Variants in SDK1 observed in about 807,000 individuals in gnomAD.
SDK1 encodes sidekick cell adhesion molecule 1, also known as protein sidekick-1.
Under a neutral mutation model 245.5 loss-of-function variants are expected in SDK1, and 157 were observed. That is an observed-to-expected ratio of 0.64 (90% CI 0.56 to 0.73). The LOEUF (loss-of-function observed/expected upper bound fraction) is 0.73, where lower values mean the gene tolerates loss of function less well. Among genes scored for constraint, SDK1 ranks in the 30% least tolerant of loss-of-function variants. The probability of loss-of-function intolerance (pLI) is 0.00; values close to 1 mark genes in which losing one functional copy is unlikely to be tolerated. For synonymous variants in SDK1, 1,647 were observed against 1,278.5 expected (o/e 1.29, Z -6.15); for missense variants, 3,583 against 3,002.3 (o/e 1.19, Z -4.52).
At chr7:3,914,998 G>A (rs141335445) in intron 5 of SDK1, among the ~76,000 whole-genome samples, 91 of 152,232 alleles carry the variant, frequency 6.0e-4, no homozygotes, top group Middle Eastern at 6.8e-3. Context: ...AGAATCATGC[G>A]CCATCCTTCA....
intron 1 of SDK1, among the ~76,000 whole-genome samples, chr7:3,380,801 G>T (rs2128566954): frequency 1.3e-5 from 2 of 152,248 alleles, no homozygotes; most frequent in Non-Finnish European, 2.9e-5. Flanking sequence ...GGGCCTGCTA[G>T]TTGGCTTGTC....
At chr7:4,257,549 CAG>C (rs1243318397) in intron 44 of SDK1, among the ~76,000 whole-genome samples, 3 of 152,210 alleles carry the variant, frequency 2.0e-5, no homozygotes, top group Admixed American at 6.5e-5. Flanking sequence ...GAGGCAATGA[CAG>C]GGGCTGAGCA....
At chr7:4,213,411 CAA>C (rs546174942) in intron 38 of SDK1, among the ~76,000 whole-genome samples, 8 of 136,306 alleles carry the variant, frequency 5.9e-5, no homozygotes, top group Admixed American at 7.3e-5. Flanking sequence ...GACTCCGTCT[CAA>C]AAAAAAAAAA....
chr7:4,020,326 C>A (rs1451889611), intron 17 of SDK1, among the ~76,000 whole-genome samples: 1 of 152,088 alleles, frequency 6.6e-6, no homozygotes, highest in African/African-American at 2.4e-5. Flanking sequence ...AGCCTTGATG[C>A]CTCAGTGTAG....
intron 17 of SDK1, among the ~76,000 whole-genome samples, chr7:4,040,833 G>A (rs1259480693): frequency 1.3e-5 from 2 of 152,140 alleles, no homozygotes; most frequent in East Asian, 1.9e-4. Context: ...CAAAGAAAAC[G>A]GAAGATGGAG....
intron 1 of SDK1, among the ~76,000 whole-genome samples, chr7:3,438,696 ATTCT>A (rs1293491830): frequency 2.0e-5 from 3 of 152,026 alleles, no homozygotes; most frequent in Admixed American, 6.6e-5. Context: ...CAAGTTTTTG[ATTCT>A]TTCTTTCCTC....
Position 3,725,417 on chromosome 7 carries a change from C to T in SDK1, c.713+83312C>T, listed in dbSNP as rs925064758. ...AGTAATCCTCTGGCTGTTCGCCTTG[C>T]AATCAGAACATTGTGTAGGTTTGAT... On this transcript the variant is annotated intron_variant, in intron 4 of 44. Coordinates refer to ENST00000404826, the MANE Select transcript of SDK1 (RefSeq NM_152744.4). Among the ~76,000 whole-genome samples the T allele has an allele frequency of 2.6e-5, 4 of 152,132 alleles. 1 individual carries two copies. Among genetic ancestry groups the T allele is most frequent in the Admixed American group, 2.6e-4 (4 of 15,272 alleles).
rs1780321269 is a variant in SDK1 at position 3,577,176 on chromosome 7, A to G, written c.299-41904A>G. On this transcript the variant is annotated intron_variant, in intron 1 of 44. Coordinates refer to ENST00000404826, the MANE Select transcript of SDK1 (RefSeq NM_152744.4). ...CACACACTCCTCCATCTGGAATCGCAGACCTACTGCAAGACCCCCATAGCC... is the reference window on the plus strand; with the variant it reads ...CACACACTCCTCCATCTGGAATCGCGGACCTACTGCAAGACCCCCATAGCC... Among the ~76,000 whole-genome samples, 2 of 152,040 alleles carry G rather than the reference A, an allele frequency of 1.3e-5. 1 individual carries two copies. The highest frequency in any genetic ancestry group is 4.1e-4 in the South Asian group (2 of 4,826).
At chr7:3,580,744 G>A (rs112560630) in intron 1 of SDK1, among the ~76,000 whole-genome samples, 3,258 of 152,062 alleles carry the variant, frequency 0.021, 132 homozygotes, top group African/African-American at 0.073. Context: ...TGAGGCAGGC[G>A]GAGCATGAGG....
At chr7:3,754,571 C>G (rs191490200) in intron 4 of SDK1, among the ~76,000 whole-genome samples, 3 of 152,198 alleles carry the variant, frequency 2.0e-5, no homozygotes, top group East Asian at 1.9e-4. Flanking sequence ...ATCCCCTGTT[C>G]CCTGCATTCT....
intron 20 of SDK1, among the ~76,000 whole-genome samples, chr7:4,076,092 A>G (rs1780660871): frequency 6.6e-6 from 1 of 152,222 alleles, no homozygotes; most frequent in Non-Finnish European, 1.5e-5. Context: ...GGGGAGAGAG[A>G]GCTAGAAGCA....
intron 35 of SDK1, among the ~76,000 whole-genome samples, chr7:4,198,612 A>G (rs752253331): frequency 2.0e-5 from 3 of 152,156 alleles, no homozygotes; most frequent in Non-Finnish European, 4.4e-5. Context: ...GGAGTTGAAT[A>G]GTTGCAACAA....
intron 4 of SDK1, among the ~76,000 whole-genome samples, chr7:3,755,940 C>T (rs1779915042): frequency 1.3e-5 from 2 of 150,824 alleles, no homozygotes; most frequent in South Asian, 2.1e-4. Context: ...ACATGTATAT[C>T]GTTTTAACTC....
chr7:4,108,008 T>A (rs1486955191), intron 22 of SDK1, among the ~76,000 whole-genome samples: 1 of 152,172 alleles, frequency 6.6e-6, no homozygotes, highest in East Asian at 1.9e-4. Flanking sequence ...CATTTATGCA[T>A]CAGCTGCATA....
chr7:4,243,787 G>A (rs932077938), intron 43 of SDK1, among the ~76,000 whole-genome samples: 16 of 152,188 alleles, frequency 1.1e-4, no homozygotes, highest in Non-Finnish European at 2.1e-4. Context: ...GACCCCACAT[G>A]TGATTGAAGG....
chr7:4,208,368 G>T, intron 37 of SDK1, 83 bp downstream of exon 37: 1 of 1,318,514 alleles, frequency 7.6e-7, no homozygotes, highest in Non-Finnish European at 1.1e-6. Flanking sequence ...CTCACACAGT[G>T]GTTCCCGGCC....
intron 1 of SDK1, among the ~76,000 whole-genome samples, chr7:3,579,668 G>C (rs918668692): frequency 6.6e-6 from 1 of 151,928 alleles, no homozygotes; most frequent in Non-Finnish European, 1.5e-5. Flanking sequence ...TGGAAGTCTT[G>C]GCCAGTCCTG....
intron 4 of SDK1, among the ~76,000 whole-genome samples, chr7:3,693,510 C>T (rs921071113): frequency 6.6e-6 from 1 of 152,134 alleles, no homozygotes; most frequent in Admixed American, 6.5e-5. Context: ...ATTATCTGTC[C>T]GTCAGCTGAT....
chr7:3,542,658 CTT>C (rs1286643199), intron 1 of SDK1, among the ~76,000 whole-genome samples: 1 of 152,148 alleles, frequency 6.6e-6, no homozygotes, highest in African/African-American at 2.4e-5. Context: ...ATTTTAATAT[CTT>C]TACAATAACT....
Sources: gnomAD v4.1 joint callset for allele counts (sites outside exome capture counted in the v4.1 genomes callset) on GRCh38, gnomAD v4.1.1 for gene constraint, MANE v1.5 for transcripts, NCBI Gene and HGNC (gene_info 2026-07-23, HGNC 2026-07-21) for gene names.